Variants in DDX21 observed in about 807,000 individuals in gnomAD.
The protein encoded by DDX21 is DExD-box helicase 21.
In DDX21, 18 loss-of-function variants were observed where a neutral mutation model predicts 90.0. The observed-to-expected ratio is 0.20, with a 90% CI of 0.14 to 0.30. The LOEUF is 0.30. Ranked by LOEUF, DDX21 falls within the 10% of genes least tolerant of loss-of-function variation. The pLI, the probability that DDX21 is intolerant of heterozygous loss-of-function variation, is 1.00. For synonymous variants in DDX21, 294 were observed against 318.0 expected (o/e 0.92, Z 0.80); for missense variants, 673 against 944.5 (o/e 0.71, Z 3.77).
chr10:68,981,851 T>TTG (rs141752628), intron 14 of DDX21, among the ~76,000 whole-genome samples: 3,264 of 148,788 alleles, frequency 0.022, 58 homozygotes, highest in Non-Finnish European at 0.026. Flanking sequence ...TATATAGATT[T>TTG]TGTGTGTGTG....
At chr10:68,963,209 A>C (rs1842895224) in intron 3 of DDX21, 82 bp from the exon 4 acceptor site, 24 of 1,373,430 alleles carry the variant, frequency 1.7e-5, no homozygotes. Flanking sequence ...GACCAGAAGC[A>C]TGAGTAGTAT....
chr10:68,979,038 G>C, intron 13 of DDX21, 62 bp downstream of exon 13: 1 of 1,602,656 alleles, frequency 6.2e-7, no homozygotes, highest in Non-Finnish European at 8.5e-7. Flanking sequence ...AAACAGTGTG[G>C]TGTGGGTTCT....
chr10:68,967,936 C>T (rs931481696), intron 6 of DDX21, among the ~76,000 whole-genome samples: 1 of 151,900 alleles, frequency 6.6e-6, no homozygotes, highest in Non-Finnish European at 1.5e-5. Flanking sequence ...AATCTGTCAC[C>T]CAGGCTGGAG....
At chr10:68,968,006 G>A (rs1023154399) in intron 6 of DDX21, among the ~76,000 whole-genome samples, 27 of 151,770 alleles carry the variant, frequency 1.8e-4, no homozygotes, top group African/African-American at 5.6e-4. Flanking sequence ...GCAATCCTCC[G>A]AGTAGCTGGG....
Position 68,971,877 on chromosome 10 carries a change from T to C in DDX21, c.1387-14T>C. On this transcript the variant is annotated splice_polypyrimidine_tract_variant and intron_variant, in intron 8 of 14. Transcript: ENST00000354185. ...TTGGAACTGGTGTTCTTACATCCGT[T>C]TATTTATTGGCAGGATGCTCAGTCC... The C allele has an allele frequency of 6.2e-7, 1 of 1,611,432 alleles. No individual in the cohort carries two copies. Among genetic ancestry groups the C allele is most frequent in the Non-Finnish European group, 8.5e-7 (1 of 1,177,958 alleles).
At chr10:68,956,527 C>G (rs748041969) in intron 1 of DDX21, 3 of 1,411,662 alleles carry the variant, frequency 2.1e-6, no homozygotes, top group Non-Finnish European at 1.9e-6. Context: ...CCGCCGTGCG[C>G]TGACCTCTTC....
At chr10:68,956,376 GA>G in intron 1 of DDX21, 64 bp downstream of exon 1, 4 of 1,604,878 alleles carry the variant, frequency 2.5e-6, no homozygotes. Context: ...GGGTGCGGGA[GA>G]AGTGCCCGGG....
Position 68,982,575 on chromosome 10 carries a change from C to G in DDX21, c.2115C>G (p.Leu705=). ...EKWHDSRRWQ[L]SVATEQPELE... is the part of the protein sequence containing the mutation. ...GGCATGATTCACGACGCTGGCAGCTCTCTGTGGCCACAGAGCAACCAGAAC... is the reference window on the plus strand; with the variant it reads ...GGCATGATTCACGACGCTGGCAGCTGTCTGTGGCCACAGAGCAACCAGAAC... Residue 705 remains leucine, a synonymous_variant, in exon 15 of 15, where the codon CTC becomes CTG. Coordinates refer to ENST00000354185, the MANE Select transcript of DDX21 (RefSeq NM_004728.4). 1 of 1,613,216 alleles carries G rather than the reference C, an allele frequency of 6.2e-7. No individual in the cohort carries two copies. Among genetic ancestry groups the G allele is most frequent in the Non-Finnish European group, 8.5e-7 (1 of 1,179,184 alleles).
At chr10:68,977,952 T>TAA (rs112705054) in intron 12 of DDX21, among the ~76,000 whole-genome samples, 10 of 138,062 alleles carry the variant, frequency 7.2e-5, no homozygotes, top group African/African-American at 2.7e-4. Context: ...TACAAAAAAA[T>TAA]AAAAAAAAAA....
chr10:68,963,683 C>T (rs1405541129), intron 4 of DDX21, among the ~76,000 whole-genome samples: 2 of 152,056 alleles, frequency 1.3e-5, no homozygotes, highest in Non-Finnish European at 2.9e-5. Context: ...TTTAATCTTT[C>T]CCACAGTTTT....
intron 1 of DDX21, among the ~76,000 whole-genome samples, chr10:68,959,421 G>A (rs1261561924): frequency 6.6e-6 from 1 of 152,148 alleles, no homozygotes; most frequent in Non-Finnish European, 1.5e-5. Context: ...TTGAACTCAG[G>A]AGTGGAGGTT....
intron 8 of DDX21, 134 bp downstream of exon 8, chr10:68,970,484 ACT>A: frequency 2.7e-6 from 2 of 750,758 alleles, no homozygotes; most frequent in South Asian, 2.8e-5. Context: ...AGAGGAAGCT[ACT>A]TTTTTTTTTT....
At position 68,960,220 on chromosome 10, in the gene DDX21, A is replaced by C. The variant is rs528212201; in HGVS notation, c.502A>C (p.Ser168Arg). The change falls in exon 2 of 15, where the codon AGT becomes CGT. Residue 168 changes from serine to arginine, a missense_variant. Ser to Arg is a moderately radical substitution (Grantham distance 110). Around this residue, in one of 4 missense-constraint regions of DDX21, gnomAD observed 204 missense variants for 221.6 expected, o/e 0.92. Coordinates refer to ENST00000354185, the MANE Select transcript of DDX21 (RefSeq NM_004728.4). ...GGACTGTAACCCCAGTGAAGCTGCC[A>C]GTGAAGAAAGTAACAGTGAGATAGA... Reference protein sequence around the residue: ...EPDCNPSEAASEESNSEIEQE... With the variant: ...EPDCNPSEAAREESNSEIEQE... The C allele has an allele frequency of 3.1e-6, 5 of 1,606,740 alleles. No homozygotes were observed. Among genetic ancestry groups the C allele is most frequent in the East Asian group, 4.5e-5 (2 of 44,856 alleles).
At chr10:68,967,590 GAAAA>G (rs141142270) in intron 6 of DDX21, among the ~76,000 whole-genome samples, 1 of 150,608 alleles carries the variant, frequency 6.6e-6, no homozygotes, top group African/African-American at 2.4e-5. Context: ...AGCTGGTGAG[GAAAA>G]AAAAAGTCAT....
chr10:68,961,195 G>A (rs1294184718), intron 2 of DDX21, among the ~76,000 whole-genome samples: 2 of 152,080 alleles, frequency 1.3e-5, no homozygotes, highest in Non-Finnish European at 2.9e-5. Flanking sequence ...TAAGCCTCCC[G>A]AGTAGCTGGG....
intron 6 of DDX21, among the ~76,000 whole-genome samples, 183 bp downstream of exon 6, chr10:68,967,386 C>A (rs1589285212): frequency 6.6e-6 from 1 of 152,092 alleles, no homozygotes; most frequent in East Asian, 1.9e-4. Flanking sequence ...CCAGGCTGGT[C>A]TCAAACTCCC....
In DDX21 at chr10:68,983,035, GGT is replaced by G. The variant is rs1843217910; in HGVS notation, c.*226_*227del. 1.6e-6 allele frequency: 1 copy of G among 617,990 alleles called. No individual in the cohort carries two copies. Among genetic ancestry groups the G allele is most frequent in the Non-Finnish European group, 2.7e-6 (1 of 365,022 alleles). The allele number at this position is 617,990 out of a possible 1,614,324, so 38.3% of individuals were successfully genotyped here. A position where few individuals can be genotyped will look rare whatever the true frequency, so the allele number is the denominator to read the frequency against. ...TCTTCATCAGTTTTTCCTTTTGAAAGGTGTATGAATTCATTACATTTTTATTC... is the reference window on the plus strand; with the variant it reads ...TCTTCATCAGTTTTTCCTTTTGAAAGGTATGAATTCATTACATTTTTATTC... On this transcript the variant is annotated 3_prime_UTR_variant, in exon 15 of 15. Transcript: ENST00000354185.
At chr10:68,966,909 G>T (rs1842947042) in intron 5 of DDX21, 109 bp from the exon 6 acceptor site, 3 of 801,956 alleles carry the variant, frequency 3.7e-6, no homozygotes, top group Admixed American at 3.0e-5. Flanking sequence ...CTTTGTACTT[G>T]TAGGTATTTA....
At chr10:68,978,218 T>C (rs140902000) in intron 12 of DDX21, among the ~76,000 whole-genome samples, 1 of 152,052 alleles carries the variant, frequency 6.6e-6, no homozygotes, top group African/African-American at 2.4e-5. Flanking sequence ...ACTGGCTGTG[T>C]GGAGGGAGGA....
Sources: allele counts gnomAD v4.1 joint callset (sites outside exome capture counted in the v4.1 genomes callset), GRCh38; gene constraint gnomAD v4.1.1; regional missense constraint gnomAD v4.1.1; transcripts MANE v1.5; gene names NCBI Gene and HGNC (gene_info 2026-07-23, HGNC 2026-07-21).